QKI: variants seen among roughly 807,000 people sequenced by gnomAD.
The protein encoded by QKI is KH domain-containing RNA-binding protein QKI.
QKI carries 10 observed loss-of-function variants against 39.0 expected under a neutral mutation model. That is an observed-to-expected ratio of 0.26 (90% CI 0.16 to 0.43). QKI has a LOEUF of 0.43. Among genes scored for constraint, QKI ranks in the 20% least tolerant of loss-of-function variants. The probability of loss-of-function intolerance (pLI) is 1.00; values close to 1 mark genes in which losing one functional copy is unlikely to be tolerated. For synonymous variants in QKI, 204 were observed against 155.4 expected (o/e 1.31, Z -2.33); for missense variants, 218 against 428.0 (o/e 0.51, Z 4.33).
chr6:163,507,907 T>A (rs1779201395), intron 3 of QKI, among the ~76,000 whole-genome samples: 1 of 152,164 alleles, frequency 6.6e-6, no homozygotes, highest in Non-Finnish European at 1.5e-5. Context: ...TTTGTTTTTT[T>A]AAATAGCTGT....
intron 3 of QKI, among the ~76,000 whole-genome samples, chr6:163,491,040 G>C (rs1229705098): frequency 1.3e-5 from 2 of 151,980 alleles, no homozygotes; most frequent in African/African-American, 4.8e-5. Flanking sequence ...TCTCTTTTTT[G>C]TTAAGATGTC....
At chr6:163,445,302 T>C (rs1008358103) in intron 1 of QKI, among the ~76,000 whole-genome samples, 6 of 152,016 alleles carry the variant, frequency 3.9e-5, no homozygotes, top group African/African-American at 1.5e-4. Flanking sequence ...CTCTGTTGGT[T>C]TTTCTGGTCC....
chr6:163,458,913 A>C (rs1472730165), intron 2 of QKI, among the ~76,000 whole-genome samples: 1 of 152,182 alleles, frequency 6.6e-6, no homozygotes, highest in Non-Finnish European at 1.5e-5. Context: ...TAGGTTTCTT[A>C]GTCAGGCCTA....
intron 3 of QKI, among the ~76,000 whole-genome samples, chr6:163,513,320 C>G (rs1284924514): frequency 6.6e-6 from 1 of 152,054 alleles, no homozygotes; most frequent in African/African-American, 2.4e-5. Flanking sequence ...TAAGAAAAAA[C>G]AAGTAGAACT....
chr6:163,524,612 A>T (rs143440545), intron 3 of QKI, among the ~76,000 whole-genome samples: 5,896 of 148,178 alleles, frequency 0.04, 392 homozygotes, highest in African/African-American at 0.14. Context: ...AGGATTACAG[A>T]CATGTGCCAC....
intron 1 of QKI, among the ~76,000 whole-genome samples, chr6:163,432,374 T>A (rs1440650824): frequency 2.6e-5 from 4 of 151,438 alleles, no homozygotes; most frequent in Non-Finnish European, 5.9e-5. Context: ...TTTTACACAA[T>A]ATAAATAATT....
At chr6:163,441,993 C>T (rs1411173062) in intron 1 of QKI, among the ~76,000 whole-genome samples, 1 of 152,122 alleles carries the variant, frequency 6.6e-6, no homozygotes, top group Non-Finnish European at 1.5e-5. Flanking sequence ...TCTGGGCATC[C>T]TTTTAGGGAA....
At chr6:163,465,647 A>G (rs528756800) in intron 2 of QKI, among the ~76,000 whole-genome samples, 7 of 150,704 alleles carry the variant, frequency 4.6e-5, no homozygotes, top group South Asian at 2.1e-4. Context: ...AAAAAAAAGT[A>G]AAAGACACCT....
intron 4 of QKI, among the ~76,000 whole-genome samples, chr6:163,549,284 G>T (rs1229408962): frequency 6.6e-6 from 1 of 152,180 alleles, no homozygotes; most frequent in Non-Finnish European, 1.5e-5. Context: ...TCCTGGAGGG[G>T]ATATGCAGGA....
intron 2 of QKI, among the ~76,000 whole-genome samples, 163 bp downstream of exon 2, chr6:163,455,584 C>T (rs1316141636): frequency 6.6e-6 from 1 of 152,190 alleles, no homozygotes; most frequent in African/African-American, 2.4e-5. Flanking sequence ...AAATTTCTCT[C>T]TAAATATGTT....
chr6:163,567,163 A>G (rs1783414891), intron 7 of QKI: 1 of 1,014,998 alleles, frequency 9.9e-7, no homozygotes, highest in Non-Finnish European at 1.2e-6. Context: ...GTATTGCAAA[A>G]TGAATTGAAC....
Position 163,500,092 on chromosome 6 carries a change from G to C in QKI, c.402+21196G>C, listed in dbSNP as rs1331453110. ...AAGCTCTCAGTTGTGAATGTGATGG[G>C]ACTGTCCAAGGAATAGCAAAGTCAG... On this transcript the variant is annotated intron_variant, in intron 3 of 7. Coordinates refer to ENST00000361752, the MANE Select transcript of QKI (RefSeq NM_006775.3). Among the ~76,000 whole-genome samples, 3 of 152,156 alleles carry C rather than the reference G, an allele frequency of 2.0e-5. No individual in the cohort carries two copies. The South Asian group carries it at 6.2e-4, about 31-fold the overall frequency.
At chr6:163,430,808 G>C (rs1047010311) in intron 1 of QKI, among the ~76,000 whole-genome samples, 3 of 152,122 alleles carry the variant, frequency 2.0e-5, no homozygotes, top group African/African-American at 7.2e-5. Flanking sequence ...GCTTTAGGCT[G>C]ATGTTTGAAA....
In QKI at chr6:163,573,410, G is replaced by C. The variant is rs1267875101; in HGVS notation, c.*2700G>C. On this transcript the variant is annotated 3_prime_UTR_variant, in exon 8 of 8. Coordinates refer to ENST00000361752, the MANE Select transcript of QKI (RefSeq NM_006775.3). ...CTTTATTATCTTAGTTTCATGCTAT[G>C]TATGTACCATAACCAACCTATTGCC... 4.6e-5 allele frequency: 7 copies of C among 152,080 alleles called. No homozygotes were observed. Among genetic ancestry groups the C allele is most frequent in the Non-Finnish European group, 1.0e-4 (7 of 68,014 alleles). The allele number at this position is 152,080 out of a possible 1,614,324, so 9.4% of individuals were successfully genotyped here. A position where few individuals can be genotyped will look rare whatever the true frequency, so the allele number is the denominator to read the frequency against.
At chr6:163,560,720 T>C (rs1001570270) in intron 4 of QKI, among the ~76,000 whole-genome samples, 1 of 152,200 alleles carries the variant, frequency 6.6e-6, no homozygotes, top group African/African-American at 2.4e-5. Context: ...TATTTTTAGA[T>C]AGTAAGAAAC....
In QKI at chr6:163,415,437, G is replaced by T. The variant is rs1240482599; in HGVS notation, c.142+102G>T. 4 of 979,318 alleles carry T rather than the reference G, an allele frequency of 4.1e-6. No individual in the cohort carries two copies. In the East Asian group the frequency reaches 1.5e-4, roughly 36 times the overall value. 60.7% of individuals were successfully genotyped at this position (979,318 alleles called of 1,614,324 possible). A position where few individuals can be genotyped will look rare whatever the true frequency, so the allele number is the denominator to read the frequency against. ...GGGCGGGAAGGTCACGGCCGGGCGG[G>T]ACCGAGCGCCGGGGGGACTGGGAGG... On this transcript the variant is annotated intron_variant, in intron 1 of 7. Coordinates refer to ENST00000361752, the MANE Select transcript of QKI (RefSeq NM_006775.3).
intron 3 of QKI, among the ~76,000 whole-genome samples, chr6:163,521,165 A>G (rs1323063045): frequency 6.6e-6 from 1 of 152,118 alleles, no homozygotes; most frequent in Non-Finnish European, 1.5e-5. Flanking sequence ...ATCAGACATT[A>G]TGTCATCCGA....
chr6:163,468,308 A>AT (rs1791930011), intron 2 of QKI, among the ~76,000 whole-genome samples: 1 of 152,148 alleles, frequency 6.6e-6, no homozygotes, highest in African/African-American at 2.4e-5. Context: ...AAAAAAGTGC[A>AT]TTTTTTAAAT....
intron 2 of QKI, among the ~76,000 whole-genome samples, chr6:163,460,230 G>C (rs554118754): frequency 6.6e-6 from 1 of 152,260 alleles, no homozygotes; most frequent in East Asian, 1.9e-4. Flanking sequence ...ATATAATTCT[G>C]ATTTTCTGAT....
Sources: gnomAD v4.1 joint callset for allele counts (sites outside exome capture counted in the v4.1 genomes callset) on GRCh38, gnomAD v4.1.1 for gene constraint, MANE v1.5 for transcripts, NCBI Gene and HGNC (gene_info 2026-07-23, HGNC 2026-07-21) for gene names.